The following ADAMTS6 variants were observed in gnomAD, a reference collection of about 807,000 sequenced individuals.
The protein encoded by ADAMTS6 is ADAM metallopeptidase with thrombospondin type 1 motif 6.
ADAMTS6 carries 23 observed loss-of-function variants against 144.3 expected under a neutral mutation model. That is an observed-to-expected ratio of 0.16 (90% CI 0.11 to 0.23). The LOEUF is 0.23. Among genes scored for constraint, ADAMTS6 ranks in the 10% least tolerant of loss-of-function variants. The pLI is 1.00. For synonymous variants in ADAMTS6, 444 were observed against 457.5 expected (o/e 0.97, Z 0.38); for missense variants, 999 against 1,379.6 (o/e 0.72, Z 4.37).
At chr5:65,291,494 G>A in intron 10 of ADAMTS6, 24 bp from the exon 11 acceptor site, 1 of 1,580,414 alleles carries the variant, frequency 6.3e-7, no homozygotes. Flanking sequence ...AGGATCAAAG[G>A]AAATTAGGTA....
chr5:65,342,955 C>T (rs1747987923), intron 7 of ADAMTS6, among the ~76,000 whole-genome samples: 1 of 151,724 alleles, frequency 6.6e-6, no homozygotes, highest in Admixed American at 6.6e-5. Flanking sequence ...ACAATAGCTA[C>T]AAATAAAGTA....
intron 7 of ADAMTS6, among the ~76,000 whole-genome samples, chr5:65,349,533 T>C (rs1748645079): frequency 6.6e-6 from 1 of 152,058 alleles, no homozygotes; most frequent in Non-Finnish European, 1.5e-5. Context: ...TTTTAAAGTT[T>C]TGTGTAGTTA....
intron 9 of ADAMTS6, 119 bp from the exon 10 acceptor site, chr5:65,300,250 G>T: frequency 1.2e-6 from 1 of 856,138 alleles, no homozygotes; most frequent in Non-Finnish European, 1.8e-6. Flanking sequence ...ATCAGGATAG[G>T]CCAGATCCTC....
At chr5:65,207,375 A>T (rs180748079) in intron 20 of ADAMTS6, among the ~76,000 whole-genome samples, 1 of 152,282 alleles carries the variant, frequency 6.6e-6, no homozygotes, top group East Asian at 1.9e-4. Context: ...TAATAAATAT[A>T]AAATATCGTA....
At chr5:65,391,987 C>T (rs1167990539) in intron 7 of ADAMTS6, among the ~76,000 whole-genome samples, 4 of 152,100 alleles carry the variant, frequency 2.6e-5, no homozygotes, top group African/African-American at 7.2e-5. Context: ...CCACCCGTCT[C>T]GGCCTCCCAA....
At chr5:65,264,291 C>T (rs1279954549) in intron 12 of ADAMTS6, among the ~76,000 whole-genome samples, 1 of 152,168 alleles carries the variant, frequency 6.6e-6, no homozygotes, top group East Asian at 1.9e-4. Context: ...CCTCCTTCCT[C>T]AGCCCCATTC....
intron 9 of ADAMTS6, among the ~76,000 whole-genome samples, chr5:65,312,383 T>C (rs988846551): frequency 2.0e-5 from 3 of 152,026 alleles, no homozygotes; most frequent in Non-Finnish European, 4.4e-5. Context: ...TCACTTGTTA[T>C]AGTAAAGAAA....
At chr5:65,335,980 T>C (rs1268924820) in intron 7 of ADAMTS6, among the ~76,000 whole-genome samples, 2 of 151,752 alleles carry the variant, frequency 1.3e-5, no homozygotes, top group African/African-American at 4.8e-5. Context: ...AAGAAAAGAA[T>C]AGAGTATTCA....
intron 7 of ADAMTS6, among the ~76,000 whole-genome samples, chr5:65,367,741 A>T (rs1750439748): frequency 6.6e-6 from 1 of 152,080 alleles, no homozygotes; most frequent in Admixed American, 6.5e-5. Context: ...CTTTCCCTAC[A>T]GGTGTAAATC....
chr5:65,479,326 G>A (rs1761049301), intron 1 of ADAMTS6, among the ~76,000 whole-genome samples: 1 of 152,116 alleles, frequency 6.6e-6, no homozygotes, highest in Admixed American at 6.5e-5. Context: ...TGGTTTCCAA[G>A]GAAAGGTGAA....
chr5:65,206,653 T>C (rs563726369), intron 20 of ADAMTS6, among the ~76,000 whole-genome samples: 1 of 135,392 alleles, frequency 7.4e-6, no homozygotes, highest in East Asian at 2.1e-4. Context: ...TGAGCCATGA[T>C]CGTGCCACTG....
chr5:65,287,298 T>C (rs929368171), intron 11 of ADAMTS6, among the ~76,000 whole-genome samples: 1 of 152,172 alleles, frequency 6.6e-6, no homozygotes, highest in Non-Finnish European at 1.5e-5. Context: ...GACAGGACTT[T>C]AGAGAAGATT....
At chr5:65,195,530 G>A (rs191272831) in intron 21 of ADAMTS6, among the ~76,000 whole-genome samples, 129 of 152,278 alleles carry the variant, frequency 8.5e-4, no homozygotes, top group African/African-American at 2.9e-3. Context: ...AAATGTTCAG[G>A]CAGACACTGA....
intron 7 of ADAMTS6, among the ~76,000 whole-genome samples, chr5:65,381,517 C>T (rs11747143): frequency 0.1 from 14,660 of 146,978 alleles, 823 homozygotes; most frequent in Middle Eastern, 0.12. Context: ...CATGGATCAC[C>T]GTGCCTGGCT....
chr5:65,202,908 G>C (rs1755829929), intron 20 of ADAMTS6, among the ~76,000 whole-genome samples: 1 of 152,176 alleles, frequency 6.6e-6, no homozygotes, highest in African/African-American at 2.4e-5. Flanking sequence ...AATACATAAA[G>C]ATAATTTAGA....
chr5:65,263,997 C>T (rs572756459), intron 12 of ADAMTS6, among the ~76,000 whole-genome samples: 1 of 152,240 alleles, frequency 6.6e-6, no homozygotes, highest in African/African-American at 2.4e-5. Context: ...TATACTAATT[C>T]TATCACCAAG....
At chr5:65,324,220 T>C (rs1406631524) in intron 9 of ADAMTS6, among the ~76,000 whole-genome samples, 1 of 152,214 alleles carries the variant, frequency 6.6e-6, no homozygotes, top group African/African-American at 2.4e-5. Flanking sequence ...AAGCAAATTG[T>C]GCTGAAGTTA....
At chr5:65,363,317 A>C (rs1006195420) in intron 7 of ADAMTS6, among the ~76,000 whole-genome samples, 2 of 152,200 alleles carry the variant, frequency 1.3e-5, no homozygotes, top group African/African-American at 4.8e-5. Flanking sequence ...TAATATGATA[A>C]CATACTAAAA....
rs142592655 is a variant in ADAMTS6, at chr5:65,303,333, A to G, written c.1224-3202T>C. Reference sequence around the variant, plus strand: ...ACAAATTTTCTCAGCATTCACATCTATAGAAATTGAATTGATGCTGAAATC... The same window carrying G: ...ACAAATTTTCTCAGCATTCACATCTGTAGAAATTGAATTGATGCTGAAATC... On this transcript the variant is annotated intron_variant, in intron 9 of 24. Transcript: ENST00000381055. Among the ~76,000 whole-genome samples the G allele has an allele frequency of 3.9e-3, 592 of 152,262 alleles. 3 individuals are homozygous for G. The highest frequency in any genetic ancestry group is 6.6e-3 in the Non-Finnish European group (448 of 67,952).
Sources: allele counts gnomAD v4.1 joint callset (sites outside exome capture counted in the v4.1 genomes callset), GRCh38; gene constraint gnomAD v4.1.1; transcripts MANE v1.5; gene names NCBI Gene and HGNC (gene_info 2026-07-23, HGNC 2026-07-21).